The following NHEJ1 variants were observed in gnomAD, a reference collection of about 807,000 sequenced individuals.
NHEJ1 encodes non-homologous end-joining factor 1.
Under a neutral mutation model 39.4 loss-of-function variants are expected in NHEJ1, and 22 were observed. The observed-to-expected ratio is 0.56, with a 90% CI of 0.40 to 0.80. The LOEUF (loss-of-function observed/expected upper bound fraction) is 0.80. Ranked by LOEUF, NHEJ1 falls within the 30% of genes least tolerant of loss-of-function variation. The pLI is 0.00. For synonymous variants in NHEJ1, 154 were observed against 135.6 expected (o/e 1.14, Z -0.94); for missense variants, 329 against 357.1 (o/e 0.92, Z 0.63).
intron 5 of NHEJ1, among the ~76,000 whole-genome samples, chr2:219,125,907 G>A (rs1028872714): frequency 3.9e-5 from 6 of 152,218 alleles, no homozygotes; most frequent in African/African-American, 1.4e-4. Flanking sequence ...GTGCCAGCAA[G>A]TATCCCCCCA....
chr2:219,075,915 C>G lies in NHEJ1; in HGVS notation c.*466G>C, dbSNP rs1218638159. 1.1e-5 allele frequency: 2 copies of G among 178,008 alleles called. No individual in the cohort carries two copies. Among genetic ancestry groups the G allele is most frequent in the Non-Finnish European group, 2.4e-5 (2 of 84,374 alleles). 11.0% of individuals were successfully genotyped at this position (178,008 alleles called of 1,614,324 possible). The stretch of plus-strand genomic sequence containing the variant: ...CCAGAGACAACAATGGGGTGGGACC[C>G]AGTGAAGGAAGTGAATTGGGTTATG... On this transcript the variant is annotated 3_prime_UTR_variant, in exon 8 of 8. Transcript: ENST00000356853.
chr2:219,079,460 G>C (rs1949043486), intron 5 of NHEJ1, among the ~76,000 whole-genome samples: 1 of 152,228 alleles, frequency 6.6e-6, no homozygotes, highest in Admixed American at 6.5e-5. Context: ...AAGCAGGAAA[G>C]CAGGTGCTGA....
At position 219,074,615 on chromosome 2, in the gene NHEJ1, G is replaced by T. The variant is rs765924114; in HGVS notation, c.*1766C>A. ...AAAAATTAGCCGGGCTTGGTGGCAG[G>T]CATCTAATCCCAGCTACTCGGGAGG... On this transcript the variant is annotated 3_prime_UTR_variant, in exon 8 of 8. Coordinates refer to ENST00000356853, the MANE Select transcript of NHEJ1 (RefSeq NM_024782.3). Among the ~76,000 whole-genome samples the T allele has an allele frequency of 6.6e-6, 1 of 151,808 alleles. No homozygotes were observed. The highest frequency in any genetic ancestry group is 6.6e-5 in the Admixed American group (1 of 15,252).
At chr2:219,154,308 A>G (rs1018537325) in intron 3 of NHEJ1, among the ~76,000 whole-genome samples, 1 of 152,234 alleles carries the variant, frequency 6.6e-6, no homozygotes, top group Non-Finnish European at 1.5e-5. Flanking sequence ...GTATGAAGAT[A>G]TATATACAGT....
intron 5 of NHEJ1, among the ~76,000 whole-genome samples, chr2:219,116,425 C>T (rs1212144366): frequency 6.6e-6 from 1 of 151,976 alleles, no homozygotes; most frequent in African/African-American, 2.4e-5. Context: ...GACGTGAACA[C>T]AGCTCACAGC....
chr2:219,091,780 A>G (rs543114232), intron 5 of NHEJ1, among the ~76,000 whole-genome samples: 1 of 152,290 alleles, frequency 6.6e-6, no homozygotes, highest in South Asian at 2.1e-4. Context: ...GCTTCTTTAA[A>G]TTTGTTATTA....
chr2:219,133,917 C>A (rs202227724), intron 5 of NHEJ1, among the ~76,000 whole-genome samples: 1 of 152,232 alleles, frequency 6.6e-6, no homozygotes, highest in Non-Finnish European at 1.5e-5. Flanking sequence ...ATTCCTTTCC[C>A]TTCATCGGCA....
intron 5 of NHEJ1, among the ~76,000 whole-genome samples, chr2:219,093,411 G>T (rs934694891): frequency 2.0e-5 from 3 of 152,194 alleles, no homozygotes; most frequent in African/African-American, 7.2e-5. Context: ...ATGGCCAGAA[G>T]AAGAATCCTA....
At chr2:219,090,127 A>G (rs1221920061) in intron 5 of NHEJ1, among the ~76,000 whole-genome samples, 1 of 152,208 alleles carries the variant, frequency 6.6e-6, no homozygotes, top group Non-Finnish European at 1.5e-5. Flanking sequence ...CTGTCCAAGG[A>G]TTGTTAAATG....
At chr2:219,148,706 C>G (rs969187912) in intron 3 of NHEJ1, among the ~76,000 whole-genome samples, 1 of 152,112 alleles carries the variant, frequency 6.6e-6, no homozygotes, top group South Asian at 2.1e-4. Context: ...CCTTGAAGAT[C>G]AAATTAGATC....
intron 5 of NHEJ1, among the ~76,000 whole-genome samples, chr2:219,137,595 A>AAAAAAAAAAAAAAAAAAAAAAAAAAAAC (rs143557047): frequency 2.4e-5 from 2 of 82,664 alleles, no homozygotes; most frequent in East Asian, 2.6e-4. Context: ...AAAAAAAACA[A>AAAAAAAAAAAAAAAAAAAAAAAAAAAAC]AAAAAACTGA....
chr2:219,135,952 TG>T (rs1271601550), intron 5 of NHEJ1, among the ~76,000 whole-genome samples: 1 of 152,208 alleles, frequency 6.6e-6, no homozygotes, highest in Non-Finnish European at 1.5e-5. Context: ...TACAACCCCC[TG>T]GAGCGCAGTC....
In NHEJ1 at chr2:219,145,221, A is replaced by AAAC. The variant is rs148227268; in HGVS notation, c.588+1456_588+1458dup. 3.6e-3 allele frequency among the ~76,000 whole-genome samples: 547 copies of AAAC among 151,576 alleles called. 1 individual carries two copies. Among genetic ancestry groups the AAAC allele is most frequent in the South Asian group, 0.011 (53 of 4,796 alleles). On this transcript the variant is annotated intron_variant, in intron 5 of 7. Coordinates refer to ENST00000356853, the MANE Select transcript of NHEJ1 (RefSeq NM_024782.3). ...CAGAGCAAGTGAGGCTTCGTTTCAA[A>AAAC]AACAACAACAACAACAACAACAACA...
chr2:219,159,576 C>CATATAT (rs72363387), intron 1 of NHEJ1, among the ~76,000 whole-genome samples: 3 of 68,972 alleles, frequency 4.3e-5, no homozygotes, highest in Non-Finnish European at 7.5e-5. Context: ...TATATATATG[C>CATATAT]ATATATATAT....
intron 3 of NHEJ1, among the ~76,000 whole-genome samples, chr2:219,150,248 G>A (rs1357530414): frequency 1.3e-5 from 2 of 152,210 alleles, no homozygotes; most frequent in African/African-American, 4.8e-5. Context: ...TGGGAAGAAA[G>A]GAAGTTAGTG....
rs539629705 is a variant in NHEJ1 at position 219,136,186 on chromosome 2, T to C, written c.588+10494A>G. On this transcript the variant is annotated intron_variant, in intron 5 of 7. Coordinates refer to ENST00000356853, the MANE Select transcript of NHEJ1 (RefSeq NM_024782.3). ...GAAACTCCTTTGCTATTGGGATTCT[T>C]AGAATCAGAAACCCAAAATGGATAA... 2.0e-4 allele frequency among the ~76,000 whole-genome samples: 30 copies of C among 152,314 alleles called. No homozygotes were observed. The South Asian group carries it at 5.8e-3, about 29-fold the overall frequency.
intron 5 of NHEJ1, among the ~76,000 whole-genome samples, chr2:219,121,051 C>T (rs1371789333): frequency 9.2e-5 from 14 of 151,928 alleles, no homozygotes; most frequent in Admixed American, 5.2e-4. Flanking sequence ...ACAAAATTAG[C>T]CAGGCATGGT....
At chr2:219,140,659 T>C (rs896514522) in intron 5 of NHEJ1, among the ~76,000 whole-genome samples, 1 of 152,168 alleles carries the variant, frequency 6.6e-6, no homozygotes, top group African/African-American at 2.4e-5. Context: ...GAGGGGGTTG[T>C]TGGAAAAGTA....
Position 219,076,382 on chromosome 2 carries a change from TA to T in NHEJ1, c.898del (p.Ter300AsnfsTer21), listed in dbSNP as rs1402592887. The T allele has an allele frequency of 6.2e-7, 1 of 1,613,928 alleles. No homozygotes were observed. Among genetic ancestry groups the T allele is most frequent in the East Asian group, 2.2e-5 (1 of 44,894 alleles). On this transcript the variant is annotated frameshift_variant and stop_lost, in exon 8 of 8. Transcript: ENST00000356853. LOFTEE classifies it high-confidence loss of function. The stretch of plus-strand genomic sequence containing the variant: ...CTCAGCAGCTGAGGCCACAACAGAT[TA>T]ACTGAAGAGACCCCTTGGCTTCTTC... ...KRKKPRGLFS[*>X]
Sources: gnomAD v4.1 joint callset for allele counts (sites outside exome capture counted in the v4.1 genomes callset) on GRCh38, gnomAD v4.1.1 for gene constraint, MANE v1.5 for transcripts, NCBI Gene and HGNC (gene_info 2026-07-23, HGNC 2026-07-21) for gene names.